NUBPL: variants seen among roughly 807,000 people sequenced by gnomAD.
NUBPL encodes iron-sulfur cluster transfer protein NUBPL.
In NUBPL, 31 loss-of-function variants were observed where a neutral mutation model predicts 45.7. The ratio of observed to expected loss-of-function variants is 0.68; its 90% CI spans 0.51 to 0.92. NUBPL has a LOEUF of 0.92. NUBPL is among the 40% of genes least tolerant of loss of function. The pLI, the probability that NUBPL is intolerant of heterozygous loss-of-function variation, is 0.00. For synonymous variants in NUBPL, 144 were observed against 140.9 expected, an observed-to-expected ratio of 1.02 and a Z score of -0.15; for missense variants, 401 against 398.7, an observed-to-expected ratio of 1.01 and a Z score of -0.05.
chr14:31,817,717 A>G (rs1308845137), intron 7 of NUBPL, among the ~76,000 whole-genome samples: 2 of 152,240 alleles, frequency 1.3e-5, no homozygotes, highest in African/African-American at 2.4e-5. Context: ...TACCAAGTTG[A>G]AAAGACCATT....
intron 6 of NUBPL, among the ~76,000 whole-genome samples, chr14:31,759,193 A>G (rs1385431856): frequency 1.3e-5 from 2 of 152,088 alleles, no homozygotes; most frequent in African/African-American, 4.8e-5. Flanking sequence ...TAATTTGTTT[A>G]TTCTTTTTTA....
At chr14:31,776,059 T>A (rs1189680199) in intron 6 of NUBPL, among the ~76,000 whole-genome samples, 1 of 152,220 alleles carries the variant, frequency 6.6e-6, no homozygotes, top group Non-Finnish European at 1.5e-5. Context: ...TTTCTTTTCG[T>A]GTTCTAAGTA....
intron 3 of NUBPL, among the ~76,000 whole-genome samples, chr14:31,582,991 C>T (rs1478426653): frequency 3.3e-5 from 5 of 152,174 alleles, no homozygotes; most frequent in African/African-American, 7.2e-5. Context: ...TAACATCTGC[C>T]TCTGACAAAA....
intron 4 of NUBPL, among the ~76,000 whole-genome samples, chr14:31,615,183 CT>C (rs2034865836): frequency 6.6e-6 from 1 of 151,868 alleles, no homozygotes. Context: ...CACTTCCCCT[CT>C]CTCTCTCTCC....
At chr14:31,809,844 A>AACC (rs200400356) in intron 7 of NUBPL, among the ~76,000 whole-genome samples, 1 of 151,620 alleles carries the variant, frequency 6.6e-6, no homozygotes, top group Non-Finnish European at 1.5e-5. Flanking sequence ...TTCAAAGAAC[A>AACC]TTTTTATTTC....
At chr14:31,619,380 C>T (rs138207975) in intron 4 of NUBPL, among the ~76,000 whole-genome samples, 1,625 of 152,274 alleles carry the variant, frequency 0.011, 25 homozygotes, top group African/African-American at 0.037. Context: ...TTCATAGTGT[C>T]GATGGCCTTT....
intron 7 of NUBPL, among the ~76,000 whole-genome samples, chr14:31,825,205 ACTT>A (rs35824742): frequency 0.35 from 53,228 of 151,688 alleles, 9,993 homozygotes; most frequent in South Asian, 0.44. Context: ...AAGAATATAA[ACTT>A]CTAGGACTCA....
intron 7 of NUBPL, among the ~76,000 whole-genome samples, chr14:31,791,718 A>G (rs1256523426): frequency 6.6e-6 from 1 of 152,162 alleles, no homozygotes; most frequent in Non-Finnish European, 1.5e-5. Flanking sequence ...TTTCAAAGGA[A>G]GAGAATGTGA....
chr14:31,605,905 TTCCTTCTCTCCTCCTCCCTTCTCCC>T (rs1420034943), intron 4 of NUBPL, among the ~76,000 whole-genome samples: 1 of 146,218 alleles, frequency 6.8e-6, no homozygotes, highest in Non-Finnish European at 1.5e-5. Context: ...TCCCTTCTCC[TTCCTTCTCTCCTCCTCCCTTCTCCC>T]TCCTCCTCTT....
chr14:31,666,261 A>T (rs1315080242), intron 4 of NUBPL, among the ~76,000 whole-genome samples: 936 of 90,604 alleles, frequency 0.01, 44 homozygotes, highest in African/African-American at 0.038. Context: ...ATATATATAT[A>T]TAATTTTATT....
chr14:31,827,408 T>G (rs2040123528), intron 8 of NUBPL, among the ~76,000 whole-genome samples: 1 of 151,022 alleles, frequency 6.6e-6, no homozygotes, highest in African/African-American at 2.4e-5. Context: ...GAGAGAAATA[T>G]CTTCCCTAGG....
intron 7 of NUBPL, 120 bp from the exon 8 acceptor site, chr14:31,826,509 A>T: frequency 1.2e-6 from 1 of 850,854 alleles, no homozygotes; most frequent in Non-Finnish European, 1.9e-6. Context: ...TGTAAAATGT[A>T]TATGAATGAC....
intron 6 of NUBPL, among the ~76,000 whole-genome samples, chr14:31,677,262 G>A (rs1230632589): frequency 1.3e-5 from 2 of 152,098 alleles, no homozygotes; most frequent in South Asian, 2.1e-4. Flanking sequence ...ACCGTGTTGT[G>A]CTAGCAAATA....
intron 6 of NUBPL, among the ~76,000 whole-genome samples, chr14:31,759,617 A>G (rs1213480481): frequency 2.0e-5 from 3 of 151,918 alleles, no homozygotes; most frequent in Admixed American, 1.3e-4. Flanking sequence ...CCAACTTACA[A>G]TGATTTGACT....
chr14:31,811,026 C>G (rs2039793905), intron 7 of NUBPL, among the ~76,000 whole-genome samples: 1 of 152,158 alleles, frequency 6.6e-6, no homozygotes. Context: ...GTTAACCCGC[C>G]CTTTCTCTCT....
At chr14:31,836,795 CT>C (rs1327897948) in intron 8 of NUBPL, among the ~76,000 whole-genome samples, 1 of 151,958 alleles carries the variant, frequency 6.6e-6, no homozygotes, top group Non-Finnish European at 1.5e-5. Context: ...GATGTCTTCT[CT>C]TTTTTAATAA....
intron 7 of NUBPL, among the ~76,000 whole-genome samples, chr14:31,812,144 C>G (rs973352321): frequency 6.6e-5 from 10 of 152,198 alleles, no homozygotes; most frequent in African/African-American, 2.4e-4. Context: ...AGTTCAAACA[C>G]CATGCTGGGA....
chr14:31,568,008 A>G (rs1369305185), intron 3 of NUBPL, among the ~76,000 whole-genome samples: 1 of 152,164 alleles, frequency 6.6e-6, no homozygotes, highest in Non-Finnish European at 1.5e-5. Context: ...TTAGTTTTAG[A>G]CTATTTTGTT....
At chr14:31,830,263 A>C (rs1189479928) in intron 8 of NUBPL, among the ~76,000 whole-genome samples, 1 of 152,368 alleles carries the variant, frequency 6.6e-6, no homozygotes, top group South Asian at 2.1e-4. Context: ...TCTATAAGCA[A>C]AGTGCTATAA....
Sources: allele counts gnomAD v4.1 joint callset (sites outside exome capture counted in the v4.1 genomes callset), GRCh38; gene constraint gnomAD v4.1.1; transcripts MANE v1.5; gene names NCBI Gene and HGNC (gene_info 2026-07-23, HGNC 2026-07-21).